The following RAPGEF2 variants were observed in gnomAD, a reference collection of about 807,000 sequenced individuals.
RAPGEF2 encodes PDZ domain containing guanine nucleotide exchange factor (GEF) 1.
RAPGEF2 carries 54 observed loss-of-function variants against 186.7 expected under a neutral mutation model. That is an observed-to-expected ratio of 0.29 (90% CI 0.23 to 0.36). The LOEUF is 0.36. RAPGEF2 is among the 10% of genes least tolerant of loss of function. The probability of loss-of-function intolerance (pLI) is 1.00; values close to 1 mark genes in which losing one functional copy is unlikely to be tolerated. For synonymous variants in RAPGEF2, 712 were observed against 705.9 expected (o/e 1.01, Z -0.14); for missense variants, 1,532 against 2,045.0 (o/e 0.75, Z 4.84).
At chr4:159,338,104 CAAAAACA>C (rs1195225979) in intron 17 of RAPGEF2, among the ~76,000 whole-genome samples, 200 bp from the exon 18 acceptor site, 1 of 146,816 alleles carries the variant, frequency 6.8e-6, no homozygotes, top group Non-Finnish European at 1.5e-5. Context: ...AACAAACAAA[CAAAAACA>C]AAAAACAAAA....
At chr4:159,115,723 G>A (rs902267863) in intron 1 of RAPGEF2, among the ~76,000 whole-genome samples, 1 of 152,074 alleles carries the variant, frequency 6.6e-6, no homozygotes, top group African/African-American at 2.4e-5. Context: ...CATGGTACTG[G>A]TACAAAAACA....
chr4:159,220,458 T>C (rs1751425198), intron 4 of RAPGEF2, among the ~76,000 whole-genome samples: 1 of 152,178 alleles, frequency 6.6e-6, no homozygotes, highest in Non-Finnish European at 1.5e-5. Context: ...GTAGGTCAGT[T>C]GGTAGATTTG....
intron 1 of RAPGEF2, among the ~76,000 whole-genome samples, chr4:159,138,332 A>C (rs1741946762): frequency 6.6e-6 from 1 of 152,222 alleles, no homozygotes; most frequent in African/African-American, 2.4e-5. Flanking sequence ...AGAAAAGTAT[A>C]AAGCTCATAT....
intron 1 of RAPGEF2, among the ~76,000 whole-genome samples, chr4:159,165,557 A>G (rs1745213374): frequency 6.6e-6 from 1 of 152,244 alleles, no homozygotes; most frequent in Admixed American, 6.5e-5. Flanking sequence ...GGTTGAATAT[A>G]AGAGCAGGTA....
At chr4:159,136,299 G>A (rs1362066888) in intron 1 of RAPGEF2, among the ~76,000 whole-genome samples, 1 of 152,260 alleles carries the variant, frequency 6.6e-6, no homozygotes, top group South Asian at 2.1e-4. Flanking sequence ...TATTAGATTT[G>A]GGTGTGAAAG....
chr4:159,357,404 G>A (rs557671731), intron 29 of RAPGEF2, among the ~76,000 whole-genome samples: 1 of 152,282 alleles, frequency 6.6e-6, no homozygotes, highest in South Asian at 2.1e-4. Flanking sequence ...GGGAAGGAAG[G>A]AAGGAACCCA....
intron 1 of RAPGEF2, among the ~76,000 whole-genome samples, chr4:159,157,553 C>G (rs536484258): frequency 5.9e-5 from 9 of 152,186 alleles, no homozygotes; most frequent in Admixed American, 3.9e-4. Context: ...TGTCTGTTAG[C>G]CAAAATGGAT....
At chr4:159,346,675 A>G (rs961077764) in intron 24 of RAPGEF2, 114 bp from the exon 25 acceptor site, 6 of 871,884 alleles carry the variant, frequency 6.9e-6, no homozygotes, top group East Asian at 4.9e-5. Context: ...AAAGGTGTGC[A>G]TTAATTTAGT....
intron 7 of RAPGEF2, among the ~76,000 whole-genome samples, chr4:159,265,168 A>G (rs1757291569): frequency 6.6e-6 from 1 of 152,124 alleles, no homozygotes. Context: ...CACTCACTCA[A>G]CAAGAACGTG....
chr4:159,339,413 C>G, intron 19 of RAPGEF2, 59 bp downstream of exon 19: 3 of 1,545,508 alleles, frequency 1.9e-6, no homozygotes, highest in Non-Finnish European at 2.6e-6. Flanking sequence ...ACATCAAAGT[C>G]TAAGAGATGA....
rs745952157 is a variant in RAPGEF2 at position 159,353,963 on chromosome 4, C to A, written c.4568C>A (p.Thr1523Lys). 1.9e-6 allele frequency: 3 copies of A among 1,613,886 alleles called. No homozygotes were observed. The highest frequency in any genetic ancestry group is 2.5e-6 in the Non-Finnish European group (3 of 1,180,024). ...VSIEAESSSL[T>K]SVTTEETKPV... ...ATTGAAGCCGAAAGCAGTAGCCTAA[C>A]GTCTGTGACTACGGAAGAAACCAAG... The change falls in exon 28 of 30, where the codon ACG becomes AAG. Residue 1523 changes from threonine to lysine, a missense_variant. Transcript: ENST00000691494. This position sits in a 1 kb window ranked among gnomAD's most constrained non-coding sequence, Gnocchi z 4.3.
intron 7 of RAPGEF2, 44 bp from the exon 8 acceptor site, chr4:159,304,298 C>T (rs756642192): frequency 1.3e-6 from 2 of 1,520,278 alleles, no homozygotes; most frequent in South Asian, 2.5e-5. Flanking sequence ...TCTTGGAGTT[C>T]TTGATTCAGA....
chr4:159,162,957 A>G (rs1056759704), intron 1 of RAPGEF2, among the ~76,000 whole-genome samples: 2 of 152,194 alleles, frequency 1.3e-5, no homozygotes, highest in South Asian at 2.1e-4. Flanking sequence ...GCAGTGGACT[A>G]TAATCTAGAA....
chr4:159,315,853 G>C (rs901209270), intron 9 of RAPGEF2, among the ~76,000 whole-genome samples: 3 of 152,118 alleles, frequency 2.0e-5, no homozygotes, highest in Non-Finnish European at 4.4e-5. Context: ...ACATGAAGAC[G>C]GACTAGGAGC....
At chr4:159,191,816 A>G (rs968822841) in intron 2 of RAPGEF2, among the ~76,000 whole-genome samples, 15 of 152,294 alleles carry the variant, frequency 9.8e-5, no homozygotes, top group Non-Finnish European at 1.8e-4. Flanking sequence ...AGCAAAATAT[A>G]GATAATAGCT....
At chr4:159,304,184 G>T (rs2348168) in intron 7 of RAPGEF2, among the ~76,000 whole-genome samples, 158 bp from the exon 8 acceptor site, 93,183 of 152,008 alleles carry the variant, frequency 0.61, 29,864 homozygotes, top group African/African-American at 0.77. Flanking sequence ...ATGTGATTTT[G>T]GGTAAATAAG....
chr4:159,106,874 A>G (rs1737946812), intron 1 of RAPGEF2, among the ~76,000 whole-genome samples: 1 of 152,192 alleles, frequency 6.6e-6, no homozygotes, highest in African/African-American at 2.4e-5. Context: ...AGGGGTGGGA[A>G]GAGTACCAGG....
At chr4:159,185,487 A>T (rs1747464295) in intron 1 of RAPGEF2, among the ~76,000 whole-genome samples, 1 of 152,210 alleles carries the variant, frequency 6.6e-6, no homozygotes, top group Non-Finnish European at 1.5e-5. Flanking sequence ...TTTGGCAATA[A>T]AAAGGAAAGT....
chr4:159,256,315 C>T (rs1042966665), intron 7 of RAPGEF2, among the ~76,000 whole-genome samples: 1 of 152,132 alleles, frequency 6.6e-6, no homozygotes, highest in African/African-American at 2.4e-5. Flanking sequence ...TTTTCTGTTC[C>T]TTGTTAGTTT....
Sources: allele counts gnomAD v4.1 joint callset (sites outside exome capture counted in the v4.1 genomes callset), GRCh38; gene constraint gnomAD v4.1.1; non-coding constraint Gnocchi (gnomAD v3.1); transcripts MANE v1.5; gene names NCBI Gene and HGNC (gene_info 2026-07-23, HGNC 2026-07-21).